Variants in RAP1GDS1 observed in about 807,000 individuals in gnomAD.
RAP1GDS1 encodes the protein RAP1, GTP-GDP dissociation stimulator 1.
A neutral mutation model predicts 71.1 loss-of-function variants in RAP1GDS1; 35 were observed. The ratio of observed to expected loss-of-function variants is 0.49; its 90% CI spans 0.38 to 0.65. RAP1GDS1 has a LOEUF of 0.65. Among genes scored for constraint, RAP1GDS1 ranks in the 30% least tolerant of loss-of-function variants. The pLI, the probability that RAP1GDS1 is intolerant of heterozygous loss-of-function variation, is 0.00. For synonymous variants in RAP1GDS1, 229 were observed against 243.1 expected (o/e 0.94, Z 0.54); for missense variants, 663 against 706.1 (o/e 0.94, Z 0.69).
At chr4:98,394,921 T>C (rs1042686984) in intron 6 of RAP1GDS1, among the ~76,000 whole-genome samples, 2 of 152,150 alleles carry the variant, frequency 1.3e-5, no homozygotes, top group African/African-American at 4.8e-5. Flanking sequence ...AAGAAATACA[T>C]GTTCTTATCA....
At position 98,346,743 on chromosome 4, in the gene RAP1GDS1, AC is replaced by A. The variant is rs1736361717; in HGVS notation, c.235+3484del. Reference sequence around the variant, plus strand: ...GTATCTTTAGTAGAGACGGGGTTTCACCATGTTAGCCAGGCTGGTCTCGAAC... The same window carrying A: ...GTATCTTTAGTAGAGACGGGGTTTCACATGTTAGCCAGGCTGGTCTCGAAC... On this transcript the variant is annotated intron_variant, in intron 3 of 14. Coordinates refer to ENST00000408927, the MANE Select transcript of RAP1GDS1 (RefSeq NM_001100427.2). Among the ~76,000 whole-genome samples, 4 of 152,088 alleles carry A rather than the reference AC, an allele frequency of 2.6e-5. No homozygotes were observed. In the South Asian group the frequency reaches 8.3e-4, roughly 32 times the overall value.
In RAP1GDS1 at chr4:98,434,632, T is replaced by TC. The variant is rs1458391633; in HGVS notation, c.1567+570_1567+571insC. The stretch of plus-strand genomic sequence containing the variant: ...AGTTTAACATAGCTTTTTTTTTTTT[T>TC]TTTTTGAAACAGTCTTGCTTTGTCA... On this transcript the variant is annotated intron_variant, in intron 13 of 14. Transcript: ENST00000408927. 2.6e-5 allele frequency among the ~76,000 whole-genome samples: 4 copies of TC among 151,992 alleles called. No individual in the cohort carries two copies. In the East Asian group the frequency reaches 7.7e-4, roughly 29 times the overall value.
chr4:98,411,573 A>T (rs1343725197), intron 7 of RAP1GDS1, among the ~76,000 whole-genome samples: 1 of 152,248 alleles, frequency 6.6e-6, no homozygotes, highest in Non-Finnish European at 1.5e-5. Context: ...TTGGCAAAGT[A>T]AAAATTTTAC....
intron 9 of RAP1GDS1, 108 bp downstream of exon 9, chr4:98,417,606 G>A: frequency 9.7e-7 from 1 of 1,031,324 alleles, no homozygotes; most frequent in South Asian, 2.2e-5. Flanking sequence ...TGTGTAATAT[G>A]TGTATATGCT....
At chr4:98,286,181 C>T (rs1725973598) in intron 1 of RAP1GDS1, among the ~76,000 whole-genome samples, 1 of 151,528 alleles carries the variant, frequency 6.6e-6, no homozygotes, top group Non-Finnish European at 1.5e-5. Flanking sequence ...GGGAGGATTG[C>T]CTAAGCCCAG....
In RAP1GDS1 at chr4:98,261,515, C is replaced by A. The variant is rs756460367; in HGVS notation, c.-51C>A. 1.9e-6 allele frequency: 3 copies of A among 1,578,022 alleles called. No homozygotes were observed. The highest frequency in any genetic ancestry group is 2.7e-5 in the African/African-American group (2 of 73,104). On this transcript the variant is annotated 5_prime_UTR_variant, in exon 1 of 15. Coordinates refer to ENST00000408927, the MANE Select transcript of RAP1GDS1 (RefSeq NM_001100427.2). Reference sequence around the variant, plus strand: ...GGAGGACACAGAGCCGCGCCGCCCGCACCACAGACCTTCGCCTCGCCCCGC... The same window carrying A: ...GGAGGACACAGAGCCGCGCCGCCCGAACCACAGACCTTCGCCTCGCCCCGC...
At chr4:98,324,820 A>T (rs1171294459) in intron 2 of RAP1GDS1, among the ~76,000 whole-genome samples, 2 of 151,764 alleles carry the variant, frequency 1.3e-5, no homozygotes, top group Admixed American at 1.3e-4. Context: ...TAAAAACCCT[A>T]GAAGAAAACC....
At chr4:98,327,082 C>T (rs1182695814) in intron 2 of RAP1GDS1, among the ~76,000 whole-genome samples, 1 of 152,190 alleles carries the variant, frequency 6.6e-6, no homozygotes, top group African/African-American at 2.4e-5. Flanking sequence ...AATTCTTCTA[C>T]TGGAGTACAG....
At chr4:98,298,406 C>T (rs1728094886) in intron 2 of RAP1GDS1, among the ~76,000 whole-genome samples, 5 of 152,192 alleles carry the variant, frequency 3.3e-5, no homozygotes, top group Admixed American at 3.3e-4. Context: ...CTTCAAAGGA[C>T]AGGCTGACTC....
At chr4:98,298,703 A>C (rs957347396) in intron 2 of RAP1GDS1, among the ~76,000 whole-genome samples, 1 of 152,168 alleles carries the variant, frequency 6.6e-6, no homozygotes, top group Non-Finnish European at 1.5e-5. Flanking sequence ...CATGGAGATA[A>C]ATGTTATTTT....
intron 11 of RAP1GDS1, among the ~76,000 whole-genome samples, chr4:98,420,615 G>A (rs1424818138): frequency 6.6e-6 from 1 of 152,112 alleles, no homozygotes; most frequent in African/African-American, 2.4e-5. Flanking sequence ...ACCCACTTCA[G>A]CCTCCCAAAG....
chr4:98,353,672 T>C (rs1472031916), intron 4 of RAP1GDS1, among the ~76,000 whole-genome samples: 1 of 152,214 alleles, frequency 6.6e-6, no homozygotes, highest in Non-Finnish European at 1.5e-5. Context: ...GTAATGAATC[T>C]GAGGACATAG....
chr4:98,439,734 T>G (rs1035063968), intron 14 of RAP1GDS1, among the ~76,000 whole-genome samples: 1 of 152,250 alleles, frequency 6.6e-6, no homozygotes, highest in South Asian at 2.1e-4. Context: ...TATATTTTAG[T>G]TAAAAATTTC....
chr4:98,400,959 C>T (rs1422219685), intron 6 of RAP1GDS1, among the ~76,000 whole-genome samples: 3 of 152,156 alleles, frequency 2.0e-5, no homozygotes, highest in Non-Finnish European at 4.4e-5. Flanking sequence ...ATGAACATCT[C>T]AGAAAATTTC....
At chr4:98,361,437 ATATTCAGT>A (rs1270535752) in intron 4 of RAP1GDS1, among the ~76,000 whole-genome samples, 1 of 152,166 alleles carries the variant, frequency 6.6e-6, no homozygotes, top group East Asian at 1.9e-4. Flanking sequence ...GTGTATAAAG[ATATTCAGT>A]CTTTTGCTAA....
In RAP1GDS1 at chr4:98,352,663, C is replaced by G. The variant is rs961048639; in HGVS notation, c.361+62C>G. ...TAAGAATTATGATATTCAGACTAATCTGCTTTTGTGTTAGCAGTGACTTTT... is the reference window on the plus strand; with the variant it reads ...TAAGAATTATGATATTCAGACTAATGTGCTTTTGTGTTAGCAGTGACTTTT... On this transcript the variant is annotated intron_variant, in intron 4 of 14. Transcript: ENST00000408927. The G allele has an allele frequency of 3.2e-6, 5 of 1,574,390 alleles. No individual in the cohort carries two copies. In the African/African-American group the frequency reaches 6.8e-5, roughly 21 times the overall value.
intron 2 of RAP1GDS1, among the ~76,000 whole-genome samples, chr4:98,294,376 C>A (rs1727417250): frequency 6.6e-6 from 1 of 151,702 alleles, no homozygotes; most frequent in Admixed American, 6.6e-5. Context: ...TTTTAGTAAA[C>A]CTTGATTAGA....
chr4:98,417,589 T>C (rs983672016), intron 9 of RAP1GDS1, 91 bp downstream of exon 9: 3 of 1,344,916 alleles, frequency 2.2e-6, no homozygotes, highest in Non-Finnish European at 3.1e-6. Context: ...TGGAACAGTT[T>C]AGAAGTTGTG....
chr4:98,407,720 G>A (rs991502475), intron 7 of RAP1GDS1, among the ~76,000 whole-genome samples: 2 of 152,016 alleles, frequency 1.3e-5, no homozygotes, highest in Non-Finnish European at 2.9e-5. Flanking sequence ...TACTTATTAG[G>A]TACAGTGTAC....
Sources: gnomAD v4.1 joint callset for allele counts (sites outside exome capture counted in the v4.1 genomes callset) on GRCh38, gnomAD v4.1.1 for gene constraint, MANE v1.5 for transcripts, NCBI Gene and HGNC (gene_info 2026-07-23, HGNC 2026-07-21) for gene names.